TMEM100: variants seen among roughly 807,000 people sequenced by gnomAD.
TMEM100 encodes the protein transmembrane protein 100.
For synonymous variants in TMEM100, 61 were observed against 67.1 expected (o/e 0.91, Z 0.44); for missense variants, 137 against 168.2 (o/e 0.81, Z 1.02).
rs2144861847 is a variant in TMEM100 at position 55,721,025 on chromosome 17, G to A, written c.46C>T (p.His16Tyr). The A allele has an allele frequency of 6.2e-7, 1 of 1,613,924 alleles. No individual in the cohort carries two copies. Among genetic ancestry groups the A allele is most frequent in the Non-Finnish European group, 8.5e-7 (1 of 1,179,906 alleles). ...IKEILGAPKA[H>Y]MAATMEKSPK... The stretch of plus-strand genomic sequence containing the variant: ...CTCTTCTCCATCGTCGCTGCCATGT[G>A]AGCCTTTGGGGCTCCCAGGATCTCC... The change falls in exon 2 of 2, where the codon CAC (histidine) becomes TAC (tyrosine). Residue 16 changes from histidine to tyrosine, a missense_variant. By Grantham distance (83) the His-to-Tyr change is moderately conservative. Coordinates refer to ENST00000424486, the MANE Select transcript of TMEM100 (RefSeq NM_018286.3).
chr17:55,727,044 T>A (rs1341232876), upstream of TMEM100, among the ~76,000 whole-genome samples: 2 of 152,180 alleles, frequency 1.3e-5, no homozygotes, highest in Non-Finnish European at 2.9e-5. Flanking sequence ...TAGATTCACA[T>A]TACAATCCCC....
At chr17:55,724,880 C>T (rs1302518293), upstream of TMEM100, among the ~76,000 whole-genome samples, 1 of 152,154 alleles carries the variant, frequency 6.6e-6, no homozygotes, top group East Asian at 1.9e-4. Flanking sequence ...ACTTCCAATA[C>T]CAAAGCTTTC....
upstream of TMEM100, chr17:55,722,896 C>T (rs182816834): frequency 6.6e-6 from 1 of 152,174 alleles, no homozygotes; most frequent in East Asian, 1.9e-4. Flanking sequence ...TCTTTTTATT[C>T]CCTCCCCCTC....
rs1007608471 is a variant in TMEM100 at position 55,720,366 on chromosome 17, T to C, written c.*300A>G. 3.2e-6 allele frequency: 1 copy of C among 315,146 alleles called. No homozygotes were observed. Among genetic ancestry groups the C allele is most frequent in the Non-Finnish European group, 5.8e-6 (1 of 171,598 alleles). 19.5% of individuals were successfully genotyped at this position (315,146 alleles called of 1,614,324 possible). On this transcript the variant is annotated 3_prime_UTR_variant, in exon 2 of 2. Transcript: ENST00000424486. ...TTGATTTTTCTCATCTTTTCTTGGC[T>C]ACTTTACAGGGTGAACCAAATACTG...
rs377274670 is a variant in TMEM100 at position 55,730,520 on chromosome 17, A to G, written c.-359+1151T>C. Reference sequence around the variant, plus strand: ...ATTGTTTCTGTGTTCAAATGATGGCATGCTTTCTGTAGCTCATAAGGAGTA... The same window carrying G: ...ATTGTTTCTGTGTTCAAATGATGGCGTGCTTTCTGTAGCTCATAAGGAGTA... On this transcript the variant is annotated intron_variant, in intron 1 of 3. Transcript: ENST00000575734. 9.8e-5 allele frequency among the ~76,000 whole-genome samples: 15 copies of G among 152,292 alleles called. 2 individuals carry two copies. The highest frequency in any genetic ancestry group is 7.2e-4 in the Admixed American group (11 of 15,288).
At position 55,720,293 on chromosome 17, in the gene TMEM100, T is replaced by G. The variant is rs1351028100; in HGVS notation, c.*373A>C. On this transcript the variant is annotated 3_prime_UTR_variant, in exon 2 of 2. Coordinates refer to ENST00000424486, the MANE Select transcript of TMEM100 (RefSeq NM_018286.3). ...ACATTTTTATGATACATCTTAAGACTGTAGGTTATTTCTTTTGGAGGCAAA... is the reference window on the plus strand; with the variant it reads ...ACATTTTTATGATACATCTTAAGACGGTAGGTTATTTCTTTTGGAGGCAAA... 1 of 191,280 alleles carries G rather than the reference T, an allele frequency of 5.2e-6. No individual in the cohort carries two copies. Among genetic ancestry groups the G allele is most frequent in the African/African-American group, 2.3e-5 (1 of 42,806 alleles). The allele number at this position is 191,280 out of a possible 1,614,324, so 11.8% of individuals were successfully genotyped here.
upstream of TMEM100, among the ~76,000 whole-genome samples, chr17:55,726,267 C>T (rs1909071339): frequency 6.6e-6 from 1 of 152,100 alleles, no homozygotes; most frequent in Non-Finnish European, 1.5e-5. Flanking sequence ...GCAAAAATCT[C>T]ATTTTTTTTT....
chr17:55,725,074 C>G (rs959495388), upstream of TMEM100, among the ~76,000 whole-genome samples: 5 of 152,188 alleles, frequency 3.3e-5, no homozygotes, highest in African/African-American at 1.2e-4. Context: ...AGAATAGAAG[C>G]CTGTCATCCT....
intron 1 of TMEM100, among the ~76,000 whole-genome samples, chr17:55,731,273 T>G (rs562118573): frequency 2.6e-4 from 40 of 152,360 alleles, no homozygotes; most frequent in Admixed American, 9.1e-4. Context: ...TAATAGGGCT[T>G]GATCATCCTT....
At chr17:55,727,093 G>T (rs986305416), upstream of TMEM100, among the ~76,000 whole-genome samples, 2 of 152,004 alleles carry the variant, frequency 1.3e-5, no homozygotes, top group African/African-American at 4.8e-5. Context: ...ACTATGAAAG[G>T]TCACATAAAC....
At chr17:55,724,655 A>G (rs1019001148), upstream of TMEM100, among the ~76,000 whole-genome samples, 1 of 152,146 alleles carries the variant, frequency 6.6e-6, no homozygotes, top group Non-Finnish European at 1.5e-5. Context: ...TTCTAGTACC[A>G]CTTTGCCTGC....
chr17:55,724,141 C>T (rs949518383), upstream of TMEM100, among the ~76,000 whole-genome samples: 2 of 152,172 alleles, frequency 1.3e-5, no homozygotes, highest in Non-Finnish European at 2.9e-5. Flanking sequence ...ATCTTTCTCT[C>T]AAATTGTTAG....
chr17:55,720,555 A>C lies in TMEM100; in HGVS notation c.*111T>G. 4.3e-6 allele frequency: 4 copies of C among 926,960 alleles called. No homozygotes were observed. The highest frequency in any genetic ancestry group is 6.2e-6 in the Non-Finnish European group (4 of 646,240). 57.4% of individuals were successfully genotyped at this position (926,960 alleles called of 1,614,324 possible). A position where few individuals can be genotyped will look rare whatever the true frequency, so the allele number is the denominator to read the frequency against. ...TCCACCCTCCCACCCCCATTCTTCC[A>C]GTCTGCTCCAACGCCAAGTCTGTTC... On this transcript the variant is annotated 3_prime_UTR_variant, in exon 2 of 2. Transcript: ENST00000424486.
chr17:55,726,882 C>T (rs1224915660), upstream of TMEM100, among the ~76,000 whole-genome samples: 1 of 152,056 alleles, frequency 6.6e-6, no homozygotes, highest in East Asian at 1.9e-4. Flanking sequence ...TCTTTGAGGT[C>T]TAGGACATTA....
upstream of TMEM100, among the ~76,000 whole-genome samples, chr17:55,724,559 G>A (rs76588768): frequency 2.6e-5 from 4 of 152,270 alleles, no homozygotes; most frequent in East Asian, 3.9e-4. Context: ...CGCTGGCTAC[G>A]TACAATGGAG....
At chr17:55,728,382 C>CT (rs1909124334) in intron 1 of TMEM100, among the ~76,000 whole-genome samples, 1 of 152,146 alleles carries the variant, frequency 6.6e-6, no homozygotes, top group Non-Finnish European at 1.5e-5. Flanking sequence ...GTGCCTACTG[C>CT]TTCTAGAATG....
At position 55,720,534 on chromosome 17, in the gene TMEM100, C is replaced by G; in HGVS notation, c.*132G>C. On this transcript the variant is annotated 3_prime_UTR_variant, in exon 2 of 2. Coordinates refer to ENST00000424486, the MANE Select transcript of TMEM100 (RefSeq NM_018286.3). ...TCCTCACAAAGGAGAAGCCCCTCCACCCTCCCACCCCCATTCTTCCAGTCT... is the reference window on the plus strand; with the variant it reads ...TCCTCACAAAGGAGAAGCCCCTCCAGCCTCCCACCCCCATTCTTCCAGTCT... 1.2e-6 allele frequency: 1 copy of G among 833,406 alleles called. No homozygotes were observed. Among genetic ancestry groups the G allele is most frequent in the Non-Finnish European group, 1.8e-6 (1 of 559,000 alleles). 51.6% of individuals were successfully genotyped at this position (833,406 alleles called of 1,614,324 possible). A position where few individuals can be genotyped will look rare whatever the true frequency, so the allele number is the denominator to read the frequency against.
At chr17:55,726,355 G>A (rs1909074222), upstream of TMEM100, among the ~76,000 whole-genome samples, 1 of 152,096 alleles carries the variant, frequency 6.6e-6, no homozygotes, top group South Asian at 2.1e-4. Context: ...AGCATGGTGT[G>A]TACTATGACA....
intron 1 of TMEM100, among the ~76,000 whole-genome samples, chr17:55,731,437 G>A (rs1471045172): frequency 6.6e-6 from 1 of 152,098 alleles, no homozygotes; most frequent in Admixed American, 6.6e-5. Flanking sequence ...GCTTGGGCAA[G>A]TCACCCAACT....
Sources: allele counts gnomAD v4.1 joint callset (sites outside exome capture counted in the v4.1 genomes callset), GRCh38; gene constraint gnomAD v4.1.1; transcripts MANE v1.5; gene names NCBI Gene and HGNC (gene_info 2026-07-23, HGNC 2026-07-21).